DDB1: variants seen among roughly 807,000 people sequenced by gnomAD.
DDB1 encodes the protein DNA damage-binding protein 1.
In DDB1, 18 loss-of-function variants were observed where a neutral mutation model predicts 133.1. The observed-to-expected ratio is 0.14, with a 90% CI of 0.09 to 0.20. The LOEUF (loss-of-function observed/expected upper bound fraction) is 0.20, where lower values mean the gene tolerates loss of function less well. DDB1 is among the 10% of genes least tolerant of loss of function. The pLI, the probability that DDB1 is intolerant of heterozygous loss-of-function variation, is 1.00. For missense variants in DDB1, 828 were observed against 1,459.2 expected (o/e 0.57, Z 7.05); for synonymous variants, 580 against 550.5 (o/e 1.05, Z -0.75).
rs775833977 is a variant in DDB1 at position 61,309,967 on chromosome 11, A to G, written c.2402-7T>C. 3.1e-6 allele frequency: 5 copies of G among 1,614,178 alleles called. No homozygotes were observed. In the South Asian group the frequency reaches 4.4e-5, roughly 14 times the overall value. ...AACTGGTGGGCATGAAGCACTAGAG[A>G]GTAGAGAGATGACTACGTGATGACA... On this transcript the variant is annotated splice_region_variant and splice_polypyrimidine_tract_variant and intron_variant, in intron 19 of 26. Transcript: ENST00000301764.
At chr11:61,310,219 T>C in intron 19 of DDB1, 76 bp downstream of exon 19, 1 of 1,545,206 alleles carries the variant, frequency 6.5e-7, no homozygotes, top group Non-Finnish European at 8.7e-7. Flanking sequence ...CTGTCAGGCT[T>C]TGCAGGTACC....
chr11:61,320,169 T>C (rs998850281), intron 10 of DDB1, among the ~76,000 whole-genome samples: 1 of 152,146 alleles, frequency 6.6e-6, no homozygotes, highest in African/African-American at 2.4e-5. Flanking sequence ...ATATGATCTC[T>C]TCCTTTGCAA....
Position 61,324,129 on chromosome 11 carries a change from C to T in DDB1, c.771G>A (p.Thr257=), listed in dbSNP as rs1240880690. The change falls in exon 7 of 27, where the codon ACG becomes ACA. Residue 257 remains threonine, a synonymous_variant. Transcript: ENST00000301764. ...GGTCCACTCGATTGTGGCACACAAT[C>T]GTGCTTTGCTGCCAATTGGAAGGAA... is the stretch of plus-strand genomic sequence containing the variant. ...AIAPPIIKQS[T]IVCHNRVDPN... 5.6e-6 allele frequency: 9 copies of T among 1,614,088 alleles called. No homozygotes were observed. The highest frequency in any genetic ancestry group is 2.2e-5 in the East Asian group (1 of 44,874).
At chr11:61,321,761 C>A in intron 9 of DDB1, 64 bp from the exon 10 acceptor site, 1 of 1,423,942 alleles carries the variant, frequency 7.0e-7, no homozygotes. Flanking sequence ...ATACTGATGC[C>A]CAGAAAGTAA....
chr11:61,313,953 G>A lies in DDB1; in HGVS notation c.1770C>T (p.Ser590=), dbSNP rs774727523. 7 of 1,614,172 alleles carry A rather than the reference G, an allele frequency of 4.3e-6. No individual in the cohort carries two copies. Among genetic ancestry groups the A allele is most frequent in the Non-Finnish European group, 5.9e-6 (7 of 1,180,046 alleles). ...TACTCTCAAAGGTGGTCATCAGGATGGAGCGAGGAATGATCTCTGTGAGAA... is the reference window on the plus strand; with the variant it reads ...TACTCTCAAAGGTGGTCATCAGGATAGAGCGAGGAATGATCTCTGTGAGAA... ...EMLGGEIIPR[S]ILMTTFESSH... is the part of the protein sequence containing the mutation. Residue 590 remains serine, a synonymous_variant, in exon 15 of 27, where the codon TCC becomes TCT. Coordinates refer to ENST00000301764, the MANE Select transcript of DDB1 (RefSeq NM_001923.5).
intron 21 of DDB1, among the ~76,000 whole-genome samples, chr11:61,306,004 T>C (rs1018179077): frequency 2.6e-5 from 4 of 152,244 alleles, no homozygotes; most frequent in Non-Finnish European, 5.9e-5. Flanking sequence ...TAAAATACCT[T>C]ATTCATTTCA....
rs757278334 is a variant in DDB1, at chr11:61,325,707, G to A, written c.666C>T (p.Val222=). Residue 222 remains valine (V), a splice_region_variant and synonymous_variant, in exon 6 of 27, where the codon GTC becomes GTT. Transcript: ENST00000301764. ...VEAEASMVIA[V]PEPFGGAIII... ...TGATGGCCCCCCCAAAGGGCTCTGG[G>A]ACTGCAGGAAAGACAGCAAAATTAG... 6.2e-7 allele frequency: 1 copy of A among 1,611,642 alleles called. No individual in the cohort carries two copies. The highest frequency in any genetic ancestry group is 1.3e-5 in the African/African-American group (1 of 75,012).
At chr11:61,317,403 C>T (rs61554568) in intron 10 of DDB1, among the ~76,000 whole-genome samples, 7,068 of 151,888 alleles carry the variant, frequency 0.047, 502 homozygotes, top group African/African-American at 0.15. Flanking sequence ...TGAGCCACCA[C>T]GCCGGGCCAA....
intron 7 of DDB1, 23 bp downstream of exon 7, chr11:61,323,956 G>A: frequency 6.2e-7 from 1 of 1,613,786 alleles, no homozygotes; most frequent in Non-Finnish European, 8.5e-7. Context: ...ACATTGTAGA[G>A]GAACAGGGAG....
intron 6 of DDB1, among the ~76,000 whole-genome samples, chr11:61,325,162 A>G (rs1856249592): frequency 1.3e-5 from 2 of 151,858 alleles, no homozygotes; most frequent in African/African-American, 4.8e-5. Flanking sequence ...AAAAAAAAAG[A>G]AACTGCCAAA....
At chr11:61,327,777 C>A (rs1256396403) in intron 4 of DDB1, among the ~76,000 whole-genome samples, 1 of 152,180 alleles carries the variant, frequency 6.6e-6, no homozygotes, top group Non-Finnish European at 1.5e-5. Flanking sequence ...TACACTCAGC[C>A]AGTGGAAGAC....
intron 1 of DDB1, chr11:61,332,249 T>C (rs537951784): frequency 6.4e-6 from 1 of 155,130 alleles, no homozygotes; most frequent in South Asian, 2.0e-4. Flanking sequence ...GATTAGGGTG[T>C]ATATAAACAT....
chr11:61,328,961 T>C (rs1275160635), intron 4 of DDB1, among the ~76,000 whole-genome samples: 1 of 152,152 alleles, frequency 6.6e-6, no homozygotes, highest in Non-Finnish European at 1.5e-5. Context: ...AAAAAACACA[T>C]ATAAGGCATC....
At chr11:61,316,946 G>GATATAGATAT (rs1856083670) in intron 10 of DDB1, among the ~76,000 whole-genome samples, 1 of 29,072 alleles carries the variant, frequency 3.4e-5, no homozygotes, top group Non-Finnish European at 5.2e-5. Flanking sequence ...AAAAAGGATA[G>GATATAGATAT]ATATATATAT....
At position 61,299,792 on chromosome 11, in the gene DDB1, CACAT is replaced by C. The variant is rs1245635535; in HGVS notation, c.*340_*343del. 20 of 390,832 alleles carry C rather than the reference CACAT, an allele frequency of 5.1e-5. No homozygotes were observed. The highest frequency in any genetic ancestry group is 2.3e-4 in the African/African-American group (11 of 48,596). The allele number at this position is 390,832 out of a possible 1,614,324, so 24.2% of individuals were successfully genotyped here. A position where few individuals can be genotyped will look rare whatever the true frequency, so the allele number is the denominator to read the frequency against. ...AGTGTGAGATACACATACACACACA[CACAT>C]ACACACACACACACGCACAGCTTCC... is the stretch of plus-strand genomic sequence containing the variant. On this transcript the variant is annotated 3_prime_UTR_variant, in exon 27 of 27. Coordinates refer to ENST00000301764, the MANE Select transcript of DDB1 (RefSeq NM_001923.5).
In DDB1 at chr11:61,310,435, T is replaced by G. The variant is rs749327518; in HGVS notation, c.2278-17A>C. 22 of 1,589,502 alleles carry G rather than the reference T, an allele frequency of 1.4e-5. No homozygotes were observed. Among genetic ancestry groups the G allele is most frequent in the Non-Finnish European group, 1.6e-5 (19 of 1,168,868 alleles). On this transcript the variant is annotated splice_polypyrimidine_tract_variant and intron_variant, in intron 18 of 26. Coordinates refer to ENST00000301764, the MANE Select transcript of DDB1 (RefSeq NM_001923.5). ...GGACAGAGCCTGCAAACAGAGAGAA[T>G]GCACATCATCCTTCTCAAACACAGA...
intron 20 of DDB1, 97 bp from the exon 21 acceptor site, chr11:61,309,174 C>T (rs1855921254): frequency 8.9e-7 from 1 of 1,117,920 alleles, no homozygotes; most frequent in Non-Finnish European, 1.3e-6. Context: ...ATTCTTGCCC[C>T]CCAAAACCAC....
intron 10 of DDB1, among the ~76,000 whole-genome samples, chr11:61,316,953 A>G (rs1257800619): frequency 1.1e-4 from 1 of 9,264 alleles, no homozygotes; most frequent in Non-Finnish European, 2.0e-4. Context: ...ATAGATATAT[A>G]TATATATATA....
At chr11:61,332,805 G>C in intron 1 of DDB1, 103 bp downstream of exon 1, 1 of 1,029,792 alleles carries the variant, frequency 9.7e-7, no homozygotes, top group Non-Finnish European at 1.3e-6. Flanking sequence ...TCCATTCGCC[G>C]GGCCCACTCC....
Sources: gnomAD v4.1 joint callset for allele counts (sites outside exome capture counted in the v4.1 genomes callset) on GRCh38, gnomAD v4.1.1 for gene constraint, MANE v1.5 for transcripts, NCBI Gene and HGNC (gene_info 2026-07-23, HGNC 2026-07-21) for gene names.